TNFRSF19: variants seen among roughly 807,000 people sequenced by gnomAD.
TNFRSF19 encodes the protein tumor necrosis factor receptor superfamily member 19.
A neutral mutation model predicts 46.4 loss-of-function variants in TNFRSF19; 27 were observed. The observed-to-expected ratio is 0.58, with a 90% confidence interval of 0.43 to 0.80. The LOEUF is 0.80. Among genes scored for constraint, TNFRSF19 ranks in the 30% least tolerant of loss-of-function variants. The probability of loss-of-function intolerance (pLI) is 0.00; values close to 1 mark genes in which losing one functional copy is unlikely to be tolerated. For missense variants in TNFRSF19, 511 were observed against 530.8 expected, an observed-to-expected ratio of 0.96 and a Z score of 0.37; for synonymous variants, 204 against 205.0, an observed-to-expected ratio of 1.00 and a Z score of 0.04.
At chr13:23,606,766 G>A (rs936302882) in intron 3 of TNFRSF19, among the ~76,000 whole-genome samples, 2 of 152,118 alleles carry the variant, frequency 1.3e-5, no homozygotes, top group Non-Finnish European at 2.9e-5. Context: ...GAGAGGCAAA[G>A]GATTCAGATA....
intron 5 of TNFRSF19, among the ~76,000 whole-genome samples, chr13:23,644,455 G>T (rs918351049): frequency 6.6e-6 from 1 of 152,198 alleles, no homozygotes; most frequent in East Asian, 1.9e-4. Context: ...GCCATGTGAA[G>T]AAGGATGTGT....
chr13:23,654,926 G>C (rs1425049108), intron 5 of TNFRSF19, among the ~76,000 whole-genome samples: 1 of 152,178 alleles, frequency 6.6e-6, no homozygotes, highest in Non-Finnish European at 1.5e-5. Flanking sequence ...AGCCACCTCT[G>C]TGGCTTGCAA....
At chr13:23,641,485 A>T (rs1436586154) in intron 5 of TNFRSF19, among the ~76,000 whole-genome samples, 1 of 152,050 alleles carries the variant, frequency 6.6e-6, no homozygotes, top group Non-Finnish European at 1.5e-5. Context: ...ATATGCCACC[A>T]CATCTGGCTA....
At chr13:23,573,156 T>C (rs1877736741) in intron 1 of TNFRSF19, among the ~76,000 whole-genome samples, 1 of 152,234 alleles carries the variant, frequency 6.6e-6, no homozygotes, top group Non-Finnish European at 1.5e-5. Context: ...CCAATGTTCT[T>C]TCCAGTCTAC....
At chr13:23,632,723 C>T (rs1882426954) in intron 5 of TNFRSF19, among the ~76,000 whole-genome samples, 1 of 152,198 alleles carries the variant, frequency 6.6e-6, no homozygotes, top group Admixed American at 6.5e-5. Flanking sequence ...AGTCCCAGCT[C>T]TATATCTCTA....
At chr13:23,573,341 C>T (rs777046373) in intron 1 of TNFRSF19, among the ~76,000 whole-genome samples, 10 of 152,096 alleles carry the variant, frequency 6.6e-5, no homozygotes, top group Non-Finnish European at 1.3e-4. Flanking sequence ...TCCAACTGTT[C>T]CTTCTACTTC....
At position 23,589,662 on chromosome 13, in the gene TNFRSF19, G is replaced by C. The variant is rs372052611; in HGVS notation, c.-34-488G>C. On this transcript the variant is annotated intron_variant, in intron 1 of 9. Transcript: ENST00000248484. ...CTGAGTTTCCCCATCGCTAAAATGG[G>C]AATAATGATAGGATCTACCTTCTAG... Among the ~76,000 whole-genome samples, 31 of 152,332 alleles carry C rather than the reference G, an allele frequency of 2.0e-4. 1 individual carries two copies. In the East Asian group the frequency reaches 5.0e-3, roughly 25 times the overall value.
intron 1 of TNFRSF19, among the ~76,000 whole-genome samples, chr13:23,580,712 A>C (rs1272821767): frequency 6.6e-6 from 1 of 152,252 alleles, no homozygotes; most frequent in Non-Finnish European, 1.5e-5. Flanking sequence ...ATTCACAGAG[A>C]TGTGAGTACT....
intron 5 of TNFRSF19, among the ~76,000 whole-genome samples, chr13:23,656,587 G>A (rs1883996250): frequency 6.6e-6 from 1 of 152,180 alleles, no homozygotes; most frequent in African/African-American, 2.4e-5. Flanking sequence ...GAACTTTGAA[G>A]TCCTCCACTC....
chr13:23,635,238 G>A (rs1306047917), intron 5 of TNFRSF19, among the ~76,000 whole-genome samples: 1 of 152,118 alleles, frequency 6.6e-6, no homozygotes, highest in African/African-American at 2.4e-5. Context: ...TAAATAAAAT[G>A]TAATTGAGTC....
chr13:23,595,575 GAACA>G (rs1252475040), intron 3 of TNFRSF19, among the ~76,000 whole-genome samples: 1 of 152,022 alleles, frequency 6.6e-6, no homozygotes, highest in Non-Finnish European at 1.5e-5. Context: ...GAATGAAAAG[GAACA>G]AACAAAGCCT....
chr13:23,588,927 G>T (rs917543859), intron 1 of TNFRSF19, among the ~76,000 whole-genome samples: 1 of 152,236 alleles, frequency 6.6e-6, no homozygotes, highest in African/African-American at 2.4e-5. Context: ...GGCAGTGGAC[G>T]TGGTTCATCT....
chr13:23,648,392 A>C (rs1566210299), intron 5 of TNFRSF19, among the ~76,000 whole-genome samples: 1 of 152,112 alleles, frequency 6.6e-6, no homozygotes, highest in African/African-American at 2.4e-5. Context: ...TAAATTGTTC[A>C]TGCCTAGTGT....
intron 5 of TNFRSF19, among the ~76,000 whole-genome samples, chr13:23,649,620 A>G (rs1489043159): frequency 6.6e-6 from 1 of 151,536 alleles, no homozygotes; most frequent in Non-Finnish European, 1.5e-5. Context: ...TTTTCCCATA[A>G]TGTTTTAAAG....
intron 3 of TNFRSF19, among the ~76,000 whole-genome samples, chr13:23,605,983 G>A (rs1175230189): frequency 6.6e-6 from 1 of 152,150 alleles, no homozygotes; most frequent in Non-Finnish European, 1.5e-5. Context: ...TTCATAGATT[G>A]TAAAAAATGT....
chr13:23,638,812 C>T lies in TNFRSF19; in HGVS notation c.445+12020C>T, dbSNP rs58384629. On this transcript the variant is annotated intron_variant, in intron 5 of 9. Transcript: ENST00000248484. ...CCTTTGCTCCCTCAGCCTCCCATCA[C>T]GCTGCGGGTTCCTGTCCCTGGGCTG... Among the ~76,000 whole-genome samples the T allele has an allele frequency of 7.3e-3, 1,117 of 152,234 alleles. 16 individuals carry two copies. The highest frequency in any genetic ancestry group is 0.026 in the African/African-American group (1,066 of 41,534).
intron 5 of TNFRSF19, among the ~76,000 whole-genome samples, chr13:23,646,981 T>C (rs1339078910): frequency 6.6e-6 from 1 of 152,232 alleles, no homozygotes; most frequent in Non-Finnish European, 1.5e-5. Context: ...GTAGCCATCC[T>C]AATGGGTATG....
At chr13:23,618,842 A>G (rs562286495) in intron 4 of TNFRSF19, among the ~76,000 whole-genome samples, 1 of 152,306 alleles carries the variant, frequency 6.6e-6, no homozygotes, top group African/African-American at 2.4e-5. Context: ...TTACGAGGTA[A>G]TTAGGTCATG....
At chr13:23,626,920 C>G (rs1283968114) in intron 5 of TNFRSF19, 128 bp downstream of exon 5, 7 of 789,024 alleles carry the variant, frequency 8.9e-6, no homozygotes, top group Non-Finnish European at 1.4e-5. Flanking sequence ...ACAGTGTGTC[C>G]TCTTTAATCA....
Sources: allele counts gnomAD v4.1 joint callset (sites outside exome capture counted in the v4.1 genomes callset), GRCh38; gene constraint gnomAD v4.1.1; transcripts MANE v1.5; gene names NCBI Gene and HGNC (gene_info 2026-07-23, HGNC 2026-07-21).